PPP2R2A: variants seen among roughly 807,000 people sequenced by gnomAD.
PPP2R2A encodes the protein serine/threonine-protein phosphatase 2A 55 kDa regulatory subunit B alpha isoform.
A neutral mutation model predicts 53.2 loss-of-function variants in PPP2R2A; 9 were observed. The observed-to-expected ratio is 0.17, with a 90% confidence interval of 0.10 to 0.30. PPP2R2A has a LOEUF of 0.30. Among genes scored for constraint, PPP2R2A ranks in the 10% least tolerant of loss-of-function variants. The probability of loss-of-function intolerance (pLI) is 1.00; values close to 1 mark genes in which losing one functional copy is unlikely to be tolerated. For missense variants in PPP2R2A, 235 were observed against 534.6 expected (o/e 0.44, Z 5.53); for synonymous variants, 169 against 174.2 (o/e 0.97, Z 0.23).
chr8:26,333,923 G>C (rs1183967212), intron 2 of PPP2R2A, among the ~76,000 whole-genome samples: 1 of 152,124 alleles, frequency 6.6e-6, no homozygotes, highest in African/African-American at 2.4e-5. Context: ...GGTGGAAAAA[G>C]TAAGAATTTC....
At chr8:26,300,852 AAAAAG>A (rs148486547) in intron 2 of PPP2R2A, among the ~76,000 whole-genome samples, 5,202 of 152,298 alleles carry the variant, frequency 0.034, 68 homozygotes, top group Middle Eastern at 0.065. Flanking sequence ...CTCCATCTCA[AAAAAG>A]AAAAGAAAAG....
chr8:26,366,034 T>C lies in PPP2R2A; in HGVS notation c.973-281T>C, dbSNP rs1172834809. ...CTCTTAACTGTGCCATTTTCAAGTG[T>C]TTTTGGCCTGAATGTTTTATTCAGG... On this transcript the variant is annotated intron_variant, in intron 8 of 9. Coordinates refer to ENST00000380737, the MANE Select transcript of PPP2R2A (RefSeq NM_002717.4). 1.4e-5 allele frequency: 4 copies of C among 288,252 alleles called. No homozygotes were observed. In the East Asian group the frequency reaches 2.2e-4, roughly 16 times the overall value. 17.9% of individuals were successfully genotyped at this position (288,252 alleles called of 1,614,324 possible).
intron 4 of PPP2R2A, among the ~76,000 whole-genome samples, chr8:26,357,492 T>G (rs967109805): frequency 5.9e-5 from 9 of 152,188 alleles, no homozygotes; most frequent in African/African-American, 2.2e-4. Flanking sequence ...TGAGTTAATT[T>G]AATGTTCCTT....
intron 2 of PPP2R2A, among the ~76,000 whole-genome samples, chr8:26,312,889 A>G (rs1234000523): frequency 6.6e-6 from 1 of 152,132 alleles, no homozygotes; most frequent in Non-Finnish European, 1.5e-5. Context: ...CATGTAGCTC[A>G]TGTATATAGT....
chr8:26,350,011 C>G (rs1042745617), intron 3 of PPP2R2A, among the ~76,000 whole-genome samples: 3 of 152,042 alleles, frequency 2.0e-5, no homozygotes, highest in Non-Finnish European at 4.4e-5. Flanking sequence ...GTTGTATTAT[C>G]AGTCTTTTAA....
At chr8:26,328,538 A>ATCAAATACCTGTCACCTGGTTTC (rs1169665069) in intron 2 of PPP2R2A, among the ~76,000 whole-genome samples, 3 of 152,212 alleles carry the variant, frequency 2.0e-5, no homozygotes, top group Non-Finnish European at 4.4e-5. Context: ...GCAAATAGCT[A>ATCAAATACCTGTCACCTGGTTTC]TCAAATACCT....
At chr8:26,342,733 C>T (rs2117339330) in intron 3 of PPP2R2A, among the ~76,000 whole-genome samples, 1 of 152,182 alleles carries the variant, frequency 6.6e-6, no homozygotes, top group East Asian at 1.9e-4. Context: ...ATTTCATACC[C>T]TCTGGCTTTT....
intron 2 of PPP2R2A, among the ~76,000 whole-genome samples, chr8:26,301,849 G>A (rs1315346913): frequency 6.6e-6 from 1 of 152,164 alleles, no homozygotes; most frequent in Non-Finnish European, 1.5e-5. Flanking sequence ...TGCTGCAGAA[G>A]CCATCTTAGC....
At chr8:26,296,643 C>T (rs1359101337) in intron 2 of PPP2R2A, among the ~76,000 whole-genome samples, 1 of 152,228 alleles carries the variant, frequency 6.6e-6, no homozygotes, top group Non-Finnish European at 1.5e-5. Context: ...ACTGATTTAT[C>T]TTCGTACCTT....
intron 2 of PPP2R2A, among the ~76,000 whole-genome samples, chr8:26,336,611 G>A (rs1025396040): frequency 6.6e-6 from 1 of 152,240 alleles, no homozygotes; most frequent in East Asian, 1.9e-4. Flanking sequence ...GGGTATGGTA[G>A]CGCTTGCAAA....
In PPP2R2A at chr8:26,360,704, C is replaced by G. The variant is rs951293682; in HGVS notation, c.460-270C>G. On this transcript the variant is annotated intron_variant, in intron 5 of 9. Transcript: ENST00000380737. The surrounding 1 kb of genome is among the most constrained non-coding windows in gnomAD (Gnocchi z 4.5). Reference sequence around the variant, plus strand: ...AATCTGAACCATAAACATTTATTAGCTTGGCATGTCTTTCAAGCAAAATAT... The same window carrying G: ...AATCTGAACCATAAACATTTATTAGGTTGGCATGTCTTTCAAGCAAAATAT... 1 of 398,588 alleles carries G rather than the reference C, an allele frequency of 2.5e-6. No individual in the cohort carries two copies. Among genetic ancestry groups the G allele is most frequent in the Admixed American group, 4.5e-5 (1 of 22,452 alleles). 24.7% of individuals were successfully genotyped at this position (398,588 alleles called of 1,614,324 possible).
At chr8:26,302,646 C>T (rs1801841064) in intron 2 of PPP2R2A, among the ~76,000 whole-genome samples, 1 of 152,216 alleles carries the variant, frequency 6.6e-6, no homozygotes, top group Non-Finnish European at 1.5e-5. Context: ...ATATTCCTCC[C>T]TTTCTAACTA....
chr8:26,367,554 G>A (rs1304257674), intron 9 of PPP2R2A, among the ~76,000 whole-genome samples: 12 of 152,118 alleles, frequency 7.9e-5, no homozygotes, highest in East Asian at 1.9e-4. Context: ...TTCCCCTGTC[G>A]CTGTTTGCTG....
chr8:26,332,124 G>GA (rs1345984193), intron 2 of PPP2R2A, among the ~76,000 whole-genome samples: 1 of 152,102 alleles, frequency 6.6e-6, no homozygotes, highest in African/African-American at 2.4e-5. Flanking sequence ...GGAAGGCTGA[G>GA]GTGGGAGGAT....
At chr8:26,314,353 C>G (rs1802438354) in intron 2 of PPP2R2A, among the ~76,000 whole-genome samples, 1 of 152,214 alleles carries the variant, frequency 6.6e-6, no homozygotes, top group African/African-American at 2.4e-5. Context: ...GCCTGGTGCA[C>G]AGCTGTTGTC....
rs1461965436 is a variant in PPP2R2A at position 26,354,648 on chromosome 8, T to C, written c.346+15T>C. ...GTCTACCAATGGTAAGTATACATAT[T>C]TTCTTTCCATGTGCCCACTGTGTGT... On this transcript the variant is annotated intron_variant, in intron 4 of 9. Coordinates refer to ENST00000380737, the MANE Select transcript of PPP2R2A (RefSeq NM_002717.4). This position sits in a 1 kb window ranked among gnomAD's most constrained non-coding sequence, Gnocchi z 4.6. The C allele has an allele frequency of 3.8e-6, 6 of 1,567,420 alleles. No homozygotes were observed. In the South Asian group the frequency reaches 6.0e-5, roughly 16 times the overall value.
At chr8:26,305,524 T>G (rs1801978072) in intron 2 of PPP2R2A, among the ~76,000 whole-genome samples, 1 of 152,140 alleles carries the variant, frequency 6.6e-6, no homozygotes, top group African/African-American at 2.4e-5. Context: ...CTGATTTTTA[T>G]GGGGAGGGGG....
chr8:26,319,045 C>A (rs1231186691), intron 2 of PPP2R2A, among the ~76,000 whole-genome samples: 1 of 152,142 alleles, frequency 6.6e-6, no homozygotes, highest in Non-Finnish European at 1.5e-5. Context: ...ACCTAGCAAC[C>A]CCCATTCTAC....
At chr8:26,314,896 C>A (rs1008515942) in intron 2 of PPP2R2A, among the ~76,000 whole-genome samples, 1 of 145,500 alleles carries the variant, frequency 6.9e-6, no homozygotes, top group Non-Finnish European at 1.5e-5. Flanking sequence ...CTTCCCCCCC[C>A]CCCCCCCAAC....
Sources: gnomAD v4.1 joint callset for allele counts (sites outside exome capture counted in the v4.1 genomes callset) on GRCh38, gnomAD v4.1.1 for gene constraint, Gnocchi (gnomAD v3.1) non-coding constraint, MANE v1.5 for transcripts, NCBI Gene and HGNC (gene_info 2026-07-23, HGNC 2026-07-21) for gene names.